The following PRKAR1B variants were observed in gnomAD, a reference collection of about 807,000 sequenced individuals.
PRKAR1B encodes cAMP-dependent protein kinase type I-beta regulatory subunit.
PRKAR1B carries 22 observed loss-of-function variants against 46.5 expected under a neutral mutation model. The ratio of observed to expected loss-of-function variants is 0.47; its 90% confidence interval spans 0.34 to 0.68. The LOEUF is 0.68. PRKAR1B is among the 30% of genes least tolerant of loss of function. PRKAR1B has a pLI of 0.01. For missense variants in PRKAR1B, 445 were observed against 535.6 expected (o/e 0.83, Z 1.67); for synonymous variants, 259 against 217.7 (o/e 1.19, Z -1.67).
At chr7:630,475 G>C (rs987963929) in intron 4 of PRKAR1B, among the ~76,000 whole-genome samples, 3 of 152,196 alleles carry the variant, frequency 2.0e-5, no homozygotes, top group Admixed American at 6.5e-5. Context: ...GGTACCCAGG[G>C]GGTGGCCTAT....
At chr7:703,559 G>A (rs1404538209) in intron 2 of PRKAR1B, among the ~76,000 whole-genome samples, 4 of 151,986 alleles carry the variant, frequency 2.6e-5, no homozygotes, top group Non-Finnish European at 5.9e-5. Flanking sequence ...GGGAGGCTGA[G>A]GCAGGAGAAT....
intron 9 of PRKAR1B, among the ~76,000 whole-genome samples, chr7:576,718 T>C (rs1383807214): frequency 6.6e-6 from 1 of 151,554 alleles, no homozygotes; most frequent in African/African-American, 2.4e-5. Flanking sequence ...TGGCCTCTGC[T>C]GTTTCTCCTG....
chr7:708,724 C>T (rs528756147), intron 2 of PRKAR1B, among the ~76,000 whole-genome samples: 1 of 151,656 alleles, frequency 6.6e-6, no homozygotes, highest in South Asian at 2.1e-4. Context: ...TGTGTGCAAG[C>T]GATCCACCCT....
intron 9 of PRKAR1B, among the ~76,000 whole-genome samples, chr7:553,614 C>T (rs963172994): frequency 3.3e-5 from 5 of 152,348 alleles, no homozygotes; most frequent in South Asian, 4.1e-4. Context: ...AGCAGCTGCT[C>T]TTGGAGAACA....
rs114199242 is a variant in PRKAR1B at position 720,348 on chromosome 7, G to A, written c.-23+6862C>T. Among the ~76,000 whole-genome samples the A allele has an allele frequency of 6.9e-3, 1,047 of 152,186 alleles. 12 individuals are homozygous for A. Among genetic ancestry groups the A allele is most frequent in the African/African-American group, 0.021 (852 of 41,518 alleles). ...GCTGGGATAACAGGTGTGAGCCACC[G>A]CGCCCAGCCCTCTGTGCAAGTCTTC... On this transcript the variant is annotated intron_variant, in intron 1 of 10. Transcript: ENST00000537384.
rs182390390 is a variant in PRKAR1B at position 640,023 on chromosome 7, C to T, written c.441-32571G>A. ...ACTAAAAATAAAAAAGTTAGCCAGGCGTGGTGGCATGCGCCTGTAGTCCCA... is the reference window on the plus strand; with the variant it reads ...ACTAAAAATAAAAAAGTTAGCCAGGTGTGGTGGCATGCGCCTGTAGTCCCA... On this transcript the variant is annotated intron_variant, in intron 4 of 10. Transcript: ENST00000537384. Among the ~76,000 whole-genome samples, 316 of 151,728 alleles carry T rather than the reference C, an allele frequency of 2.1e-3. 2 individuals are homozygous for T. The highest frequency in any genetic ancestry group is 3.7e-3 in the African/African-American group (152 of 41,366).
intron 2 of PRKAR1B, among the ~76,000 whole-genome samples, chr7:683,797 A>T (rs1778839818): frequency 2.0e-5 from 3 of 152,140 alleles, no homozygotes; most frequent in African/African-American, 7.2e-5. Context: ...CAGCCTGGAG[A>T]GCTGCTTGTT....
intron 2 of PRKAR1B, among the ~76,000 whole-genome samples, chr7:700,500 C>A (rs1283695486): frequency 2.0e-5 from 3 of 152,138 alleles, no homozygotes; most frequent in African/African-American, 7.2e-5. Flanking sequence ...GAAAGTCTGG[C>A]CAGTTCTCAA....
At chr7:630,806 AC>A (rs111365364) in intron 4 of PRKAR1B, among the ~76,000 whole-genome samples, 5 of 150,104 alleles carry the variant, frequency 3.3e-5, no homozygotes, top group Non-Finnish European at 5.9e-5. Flanking sequence ...TGGGGAGCAC[AC>A]CCCCCCCACC....
intron 2 of PRKAR1B, among the ~76,000 whole-genome samples, chr7:710,169 G>A (rs528327214): frequency 2.9e-4 from 44 of 152,252 alleles, no homozygotes; most frequent in African/African-American, 9.6e-4. Context: ...CATAAACACC[G>A]CCGGATGGGG....
chr7:630,661 G>T (rs1783683965), intron 4 of PRKAR1B, among the ~76,000 whole-genome samples: 1 of 152,198 alleles, frequency 6.6e-6, no homozygotes, highest in Non-Finnish European at 1.5e-5. Context: ...TGGCCTCACT[G>T]CCAGGCTCAT....
At chr7:636,088 G>A (rs1160304824) in intron 4 of PRKAR1B, among the ~76,000 whole-genome samples, 1 of 20,134 alleles carries the variant, frequency 5.0e-5, no homozygotes, top group Non-Finnish European at 9.3e-5. Flanking sequence ...GCGCCCTCAC[G>A]TCCTCCACCG....
At chr7:657,490 C>T (rs1785276448) in intron 4 of PRKAR1B, among the ~76,000 whole-genome samples, 1 of 152,200 alleles carries the variant, frequency 6.6e-6, no homozygotes, top group South Asian at 2.1e-4. Flanking sequence ...ACTCAATTAA[C>T]TCAGAGGACT....
chr7:615,907 A>C (rs995974795), intron 4 of PRKAR1B, among the ~76,000 whole-genome samples: 1 of 151,624 alleles, frequency 6.6e-6, no homozygotes, highest in Non-Finnish European at 1.5e-5. Flanking sequence ...AAAAAGGAAG[A>C]GAGAAAGAGA....
At chr7:629,036 C>T (rs530541778) in intron 4 of PRKAR1B, among the ~76,000 whole-genome samples, 21 of 152,334 alleles carry the variant, frequency 1.4e-4, no homozygotes, top group African/African-American at 5.1e-4. Flanking sequence ...ACCTGTGTGT[C>T]GGACATTACA....
rs1778348849 is a variant in PRKAR1B, at chr7:555,155, A to C, written c.892-3685T>G. 3.9e-5 allele frequency among the ~76,000 whole-genome samples: 6 copies of C among 152,286 alleles called. No homozygotes were observed. In the South Asian group the frequency reaches 1.2e-3, roughly 32 times the overall value. ...CTCCTCATTGGCCAGAGAGGGTCTC[A>C]CGCTTGCCCTAAACCAGTTGCTGGG... On this transcript the variant is annotated intron_variant, in intron 9 of 10. Transcript: ENST00000537384.
intron 9 of PRKAR1B, among the ~76,000 whole-genome samples, chr7:564,665 C>T (rs1370244961): frequency 6.6e-6 from 1 of 152,212 alleles, no homozygotes; most frequent in Non-Finnish European, 1.5e-5. Context: ...AGAAACTGCC[C>T]AGGGCGCCAG....
chr7:691,943 G>T, intron 2 of PRKAR1B: 2 of 778,416 alleles, frequency 2.6e-6, no homozygotes, highest in Non-Finnish European at 3.3e-6. Flanking sequence ...TCCCCAGGCT[G>T]AATCACTGGG....
chr7:557,784 G>A lies in PRKAR1B; in HGVS notation c.892-6314C>T, dbSNP rs550032508. ...CAGACTGCCACGAGGCAGCACAGAC[G>A]CTCTCAGGAGGATTGAGAGTCTGGG... On this transcript the variant is annotated intron_variant, in intron 9 of 10. Transcript: ENST00000537384. Among the ~76,000 whole-genome samples the A allele has an allele frequency of 3.3e-5, 5 of 152,270 alleles. No homozygotes were observed. In the South Asian group the frequency reaches 6.2e-4, roughly 19 times the overall value.
Sources: allele counts gnomAD v4.1 joint callset (sites outside exome capture counted in the v4.1 genomes callset), GRCh38; gene constraint gnomAD v4.1.1; transcripts MANE v1.5; gene names NCBI Gene and HGNC (gene_info 2026-07-23, HGNC 2026-07-21).